Variants in THRB observed in about 807,000 individuals in gnomAD.
THRB encodes the protein thyroid hormone receptor beta.
THRB carries 12 observed loss-of-function variants against 47.8 expected under a neutral mutation model. The observed-to-expected ratio is 0.25, with a 90% CI of 0.16 to 0.41. The LOEUF (loss-of-function observed/expected upper bound fraction) is 0.41, where lower values mean the gene tolerates loss of function less well. Ranked by LOEUF, THRB falls within the 10% of genes least tolerant of loss-of-function variation. THRB has a pLI of 1.00. For missense variants in THRB, 348 were observed against 589.2 expected (o/e 0.59, Z 4.24); for synonymous variants, 218 against 212.2 (o/e 1.03, Z -0.24).
At chr3:24,460,800 C>A (rs2073626467) in intron 1 of THRB, among the ~76,000 whole-genome samples, 1 of 152,166 alleles carries the variant, frequency 6.6e-6, no homozygotes, top group South Asian at 2.1e-4. Context: ...CTGCTCCAGA[C>A]AAAACGTCAC....
intron 3 of THRB, among the ~76,000 whole-genome samples, chr3:24,266,571 G>A (rs2052672714): frequency 6.6e-6 from 1 of 152,162 alleles, no homozygotes; most frequent in Non-Finnish European, 1.5e-5. Context: ...TGAAAGAGCT[G>A]AAGCCCACAG....
intron 3 of THRB, among the ~76,000 whole-genome samples, chr3:24,274,362 T>A (rs773801048): frequency 6.6e-6 from 1 of 152,142 alleles, no homozygotes; most frequent in Non-Finnish European, 1.5e-5. Flanking sequence ...AATAAGCAAT[T>A]AGGGTTACCT....
chr3:24,391,638 T>G (rs901540323), intron 1 of THRB, among the ~76,000 whole-genome samples: 11 of 152,176 alleles, frequency 7.2e-5, no homozygotes, highest in African/African-American at 2.4e-4. Context: ...TCATTTCCAT[T>G]TAAATTCCAA....
intron 3 of THRB, among the ~76,000 whole-genome samples, chr3:24,243,574 T>A (rs2049803856): frequency 6.6e-6 from 1 of 152,100 alleles, no homozygotes; most frequent in South Asian, 2.1e-4. Flanking sequence ...TCGGGATGCC[T>A]ATTTGAACAT....
intron 5 of THRB, among the ~76,000 whole-genome samples, chr3:24,154,838 T>C (rs1403837241): frequency 6.6e-6 from 1 of 152,162 alleles, no homozygotes; most frequent in Admixed American, 6.5e-5. Context: ...ACTTTCAAGT[T>C]CTTAGTATCA....
intron 5 of THRB, among the ~76,000 whole-genome samples, chr3:24,176,697 C>G (rs148740700): frequency 1.3e-5 from 2 of 152,232 alleles, no homozygotes; most frequent in Non-Finnish European, 2.9e-5. Context: ...GCCAGTCATA[C>G]AAGACCACGT....
chr3:24,430,328 T>A (rs1318722809), intron 1 of THRB, among the ~76,000 whole-genome samples: 2 of 152,106 alleles, frequency 1.3e-5, no homozygotes, highest in Non-Finnish European at 2.9e-5. Flanking sequence ...GCTTCATATG[T>A]GAAAGCTTCA....
rs1353662261 is a variant in THRB, at chr3:24,494,797, T to TATTCATGCAAAGTTA, written c.-421_-407dup. 6.6e-6 allele frequency: 1 copy of TATTCATGCAAAGTTA among 151,662 alleles called. No homozygotes were observed. The allele number at this position is 151,662 out of a possible 1,614,324, so 9.4% of individuals were successfully genotyped here. The stretch of plus-strand genomic sequence containing the variant: ...GTCTCTTTTCCAAGCGCACTCACAT[T>TATTCATGCAAAGTTA]ATTCATGCAAAGTTAATCCCCGCCG... On this transcript the variant is annotated 5_prime_UTR_variant, in exon 1 of 11. In the 5' UTR this introduces an upstream ATG that the reference lacks. Coordinates refer to ENST00000646209, the MANE Select transcript of THRB (RefSeq NM_001354712.2).
At chr3:24,136,102 C>T (rs2148925320) in intron 8 of THRB, among the ~76,000 whole-genome samples, 1 of 151,558 alleles carries the variant, frequency 6.6e-6, no homozygotes, top group South Asian at 2.1e-4. Flanking sequence ...TTGAATTCCA[C>T]TTGTGACATG....
chr3:24,423,240 A>T (rs2069440916), intron 1 of THRB, among the ~76,000 whole-genome samples: 1 of 151,914 alleles, frequency 6.6e-6, no homozygotes, highest in African/African-American at 2.4e-5. Context: ...AATTGTAAGA[A>T]GTAATAAATC....
At chr3:24,234,910 T>G (rs1026464177) in intron 3 of THRB, among the ~76,000 whole-genome samples, 3 of 152,082 alleles carry the variant, frequency 2.0e-5, no homozygotes, top group Non-Finnish European at 4.4e-5. Flanking sequence ...TCAGGCCAGA[T>G]GGTGAAGAGT....
At position 24,461,122 on chromosome 3, in the gene THRB, A is replaced by G. The variant is rs1577734862; in HGVS notation, c.-261+33530T>C. The stretch of plus-strand genomic sequence containing the variant: ...CCCTAAAAGGTCAAGAACCACTGCT[A>G]ATAATGGAATATGAGTCACTAAGAA... On this transcript the variant is annotated intron_variant, in intron 1 of 10. Coordinates refer to ENST00000646209, the MANE Select transcript of THRB (RefSeq NM_001354712.2). Among the ~76,000 whole-genome samples the G allele has an allele frequency of 2.6e-5, 4 of 152,252 alleles. No homozygotes were observed. The East Asian group carries it at 7.7e-4, about 29-fold the overall frequency.
At chr3:24,141,087 C>A (rs1377958050) in intron 8 of THRB, among the ~76,000 whole-genome samples, 1 of 152,180 alleles carries the variant, frequency 6.6e-6, no homozygotes, top group Non-Finnish European at 1.5e-5. Flanking sequence ...TGGACAATTT[C>A]TTGAGCAGAT....
chr3:24,157,309 G>T (rs190396760), intron 5 of THRB, among the ~76,000 whole-genome samples: 1 of 151,848 alleles, frequency 6.6e-6, no homozygotes, highest in Non-Finnish European at 1.5e-5. Flanking sequence ...ACAATGGCTC[G>T]CCAGGCTTTG....
chr3:24,311,722 C>A (rs542842165), intron 2 of THRB, among the ~76,000 whole-genome samples: 1 of 152,260 alleles, frequency 6.6e-6, no homozygotes, highest in South Asian at 2.1e-4. Flanking sequence ...GACTCTTCAT[C>A]CTTGCTCTTT....
chr3:24,490,197 T>C (rs561940559), intron 1 of THRB, among the ~76,000 whole-genome samples: 4 of 152,270 alleles, frequency 2.6e-5, no homozygotes, highest in East Asian at 1.9e-4. Flanking sequence ...AGTAGATACA[T>C]AAATATTTGT....
In THRB at chr3:24,389,352, C is replaced by T. The variant is rs541738912; in HGVS notation, c.-260-51981G>A. On this transcript the variant is annotated intron_variant, in intron 1 of 10. Transcript: ENST00000646209. ...GCTGTCCTTGGGCAGTCAGTCAAAACGCAAGAGTTGAGACTATAAAAGGGC... is the reference window on the plus strand; with the variant it reads ...GCTGTCCTTGGGCAGTCAGTCAAAATGCAAGAGTTGAGACTATAAAAGGGC... 9.2e-5 allele frequency among the ~76,000 whole-genome samples: 14 copies of T among 152,218 alleles called. No individual in the cohort carries two copies. In the East Asian group the frequency reaches 9.7e-4, roughly 10 times the overall value.
intron 2 of THRB, among the ~76,000 whole-genome samples, chr3:24,330,883 T>A (rs1410076529): frequency 1.3e-5 from 2 of 152,174 alleles, no homozygotes; most frequent in African/African-American, 4.8e-5. Flanking sequence ...AAATAAAAAG[T>A]AGGTTTTGCC....
intron 1 of THRB, among the ~76,000 whole-genome samples, chr3:24,469,885 G>A (rs937615001): frequency 3.3e-5 from 5 of 152,152 alleles, no homozygotes; most frequent in Admixed American, 3.3e-4. Context: ...AGTGAGCAAA[G>A]GGAAACAATG....
Sources: allele counts gnomAD v4.1 joint callset (sites outside exome capture counted in the v4.1 genomes callset), GRCh38; gene constraint gnomAD v4.1.1; transcripts MANE v1.5; gene names NCBI Gene and HGNC (gene_info 2026-07-23, HGNC 2026-07-21).